DENND4C: variants seen among roughly 807,000 people sequenced by gnomAD.
DENND4C encodes the protein DENN domain containing 4C.
DENND4C carries 108 observed loss-of-function variants against 203.0 expected under a neutral mutation model. The observed-to-expected ratio is 0.53, with a 90% CI of 0.46 to 0.62. The LOEUF (loss-of-function observed/expected upper bound fraction) is 0.62, where lower values mean the gene tolerates loss of function less well. Among genes scored for constraint, DENND4C ranks in the 20% least tolerant of loss-of-function variants. The probability of loss-of-function intolerance (pLI) is 0.00; values close to 1 mark genes in which losing one functional copy is unlikely to be tolerated. For missense variants in DENND4C, 2,481 were observed against 2,301.2 expected, an observed-to-expected ratio of 1.08 and a Z score of -1.60; for synonymous variants, 871 against 792.4, an observed-to-expected ratio of 1.10 and a Z score of -1.67.
intron 15 of DENND4C, 63 bp downstream of exon 15, chr9:19,326,257 G>A (rs1817809960): frequency 6.6e-7 from 1 of 1,514,706 alleles, no homozygotes; most frequent in Non-Finnish European, 8.9e-7. Flanking sequence ...ATTTTTATTA[G>A]TAGATATGTA....
chr9:19,251,845 GTCCATATCACGA>G (rs1343815243), intron 1 of DENND4C, among the ~76,000 whole-genome samples: 1 of 152,162 alleles, frequency 6.6e-6, no homozygotes. Context: ...GAACTTTATT[GTCCATATCACGA>G]TCAGCATTTT....
At chr9:19,250,811 A>G (rs966773857) in intron 1 of DENND4C, among the ~76,000 whole-genome samples, 1 of 152,228 alleles carries the variant, frequency 6.6e-6, no homozygotes, top group African/African-American at 2.4e-5. Flanking sequence ...TCTCACGTCC[A>G]GGTCACACTG....
At position 19,369,991 on chromosome 9, in the gene DENND4C, A is replaced by G. The variant is rs1828473046; in HGVS notation, c.5675+4A>G. On this transcript the variant is annotated splice_donor_region_variant and intron_variant, in intron 31 of 32. Coordinates refer to ENST00000434457, the MANE Select transcript of DENND4C (RefSeq NM_001330640.2). ...AGCCAGGCATGAAAAGACAAAGGTA[A>G]TAATCCAGTATTTTTTGCTTGCCAC... The G allele has an allele frequency of 6.2e-7, 1 of 1,612,534 alleles. No homozygotes were observed. The highest frequency in any genetic ancestry group is 8.5e-7 in the Non-Finnish European group (1 of 1,179,478).
chr9:19,331,603 C>G (rs961547735), intron 16 of DENND4C, among the ~76,000 whole-genome samples: 2 of 152,124 alleles, frequency 1.3e-5, no homozygotes, highest in Non-Finnish European at 2.9e-5. Flanking sequence ...CCTAGAGCAT[C>G]TTAAACTTTA....
intron 1 of DENND4C, among the ~76,000 whole-genome samples, chr9:19,246,560 T>A (rs553053020): frequency 6.6e-6 from 1 of 152,228 alleles, no homozygotes; most frequent in African/African-American, 2.4e-5. Context: ...TTTGTTTATT[T>A]ATTGATTTAA....
intron 9 of DENND4C, among the ~76,000 whole-genome samples, chr9:19,303,211 A>G (rs12004766): frequency 2.0e-3 from 301 of 152,236 alleles, no homozygotes; most frequent in African/African-American, 6.8e-3. Context: ...TTGGTGCTCA[A>G]AAAGTGTTGG....
At chr9:19,286,223 T>G (rs1835186286) in intron 2 of DENND4C, among the ~76,000 whole-genome samples, 1 of 152,176 alleles carries the variant, frequency 6.6e-6, no homozygotes, top group African/African-American at 2.4e-5. Context: ...AAGATTGAAT[T>G]AATCAGATTA....
chr9:19,301,835 G>T (rs1838648138), intron 9 of DENND4C, among the ~76,000 whole-genome samples: 2 of 152,182 alleles, frequency 1.3e-5, no homozygotes, highest in Non-Finnish European at 2.9e-5. Flanking sequence ...TACTCGGGAG[G>T]CTGAGGCAGG....
intron 26 of DENND4C, among the ~76,000 whole-genome samples, chr9:19,355,867 G>A (rs960052536): frequency 6.6e-6 from 1 of 151,892 alleles, no homozygotes; most frequent in African/African-American, 2.4e-5. Context: ...CTGTGAGCCT[G>A]GTATATCTCT....
intron 26 of DENND4C, 147 bp downstream of exon 26, chr9:19,352,812 G>T: frequency 1.8e-6 from 1 of 541,098 alleles, no homozygotes; most frequent in Non-Finnish European, 3.1e-6. Context: ...TACTAGTAAT[G>T]TGGGAGTCTA....
chr9:19,315,697 G>C (rs537316585), intron 10 of DENND4C, among the ~76,000 whole-genome samples: 9 of 150,466 alleles, frequency 6.0e-5, no homozygotes, highest in African/African-American at 2.2e-4. Flanking sequence ...TCATCTCTAT[G>C]GCTTTGGGGT....
intron 3 of DENND4C, among the ~76,000 whole-genome samples, chr9:19,287,631 G>C (rs1159764522): frequency 6.6e-6 from 1 of 152,076 alleles, no homozygotes; most frequent in African/African-American, 2.4e-5. Context: ...ACAGGCGTGA[G>C]CCACCATGCC....
chr9:19,331,213 T>G (rs1819067042), intron 16 of DENND4C, among the ~76,000 whole-genome samples: 1 of 151,810 alleles, frequency 6.6e-6, no homozygotes, highest in Non-Finnish European at 1.5e-5. Context: ...GGTCCTTTTT[T>G]TTTTTTTTGA....
intron 17 of DENND4C, among the ~76,000 whole-genome samples, chr9:19,334,401 A>G (rs538104930): frequency 6.6e-6 from 1 of 152,268 alleles, no homozygotes; most frequent in South Asian, 2.1e-4. Context: ...GAGGAGTAAT[A>G]GTCTTTCTCT....
intron 20 of DENND4C, chr9:19,337,750 G>C: frequency 1.2e-6 from 1 of 823,040 alleles, no homozygotes; most frequent in South Asian, 1.5e-5. Context: ...TTTTAAGTTT[G>C]TTTTGAGTGG....
chr9:19,325,648 A>G (rs1817662686), intron 13 of DENND4C, among the ~76,000 whole-genome samples: 1 of 152,212 alleles, frequency 6.6e-6, no homozygotes, highest in African/African-American at 2.4e-5. Flanking sequence ...AAGGGGCTTA[A>G]TAATAATGAA....
chr9:19,306,133 C>A (rs903373500), intron 10 of DENND4C, among the ~76,000 whole-genome samples: 2 of 152,124 alleles, frequency 1.3e-5, no homozygotes, highest in Non-Finnish European at 2.9e-5. Flanking sequence ...TAAGGGTTAC[C>A]ACTTCCCCAC....
chr9:19,232,628 T>G (rs1820864903), intron 1 of DENND4C, among the ~76,000 whole-genome samples: 1 of 152,208 alleles, frequency 6.6e-6, no homozygotes, highest in Non-Finnish European at 1.5e-5. Flanking sequence ...TAGTATAAAC[T>G]TAAGCTTTTA....
At chr9:19,241,900 T>A (rs1359287141) in intron 1 of DENND4C, among the ~76,000 whole-genome samples, 1 of 151,710 alleles carries the variant, frequency 6.6e-6, no homozygotes, top group Admixed American at 6.6e-5. Context: ...TGTTTAAAAG[T>A]ATGACATAGG....
Sources: allele counts gnomAD v4.1 joint callset (sites outside exome capture counted in the v4.1 genomes callset), GRCh38; gene constraint gnomAD v4.1.1; transcripts MANE v1.5; gene names NCBI Gene and HGNC (gene_info 2026-07-23, HGNC 2026-07-21).